LMLN: variants seen among roughly 807,000 people sequenced by gnomAD.
LMLN encodes the protein leishmanolysin like peptidase.
A neutral mutation model predicts 92.3 loss-of-function variants in LMLN; 70 were observed. The ratio of observed to expected loss-of-function variants is 0.76; its 90% CI spans 0.63 to 0.92. LMLN has a LOEUF of 0.92. Among genes scored for constraint, LMLN ranks in the 40% least tolerant of loss-of-function variants. The pLI is 0.00. For missense variants in LMLN, 691 were observed against 814.6 expected, an observed-to-expected ratio of 0.85 and a Z score of 1.85; for synonymous variants, 308 against 296.2, an observed-to-expected ratio of 1.04 and a Z score of -0.41.
At chr3:197,988,634 A>G (rs1469164367) in intron 8 of LMLN, among the ~76,000 whole-genome samples, 1 of 151,612 alleles carries the variant, frequency 6.6e-6, no homozygotes, top group African/African-American at 2.4e-5. Flanking sequence ...AGCTGGGACT[A>G]CAGGAGTGTG....
At position 197,999,450 on chromosome 3, in the gene LMLN, TATTA is replaced by T. The variant is rs145870963; in HGVS notation, c.1232+113_1232+116del. 246 of 710,286 alleles carry T rather than the reference TATTA, an allele frequency of 3.5e-4. 1 individual carries two copies. The East Asian group carries it at 4.7e-3, about 14-fold the overall frequency. 44.0% of individuals were successfully genotyped at this position (710,286 alleles called of 1,614,324 possible). A position where few individuals can be genotyped will look rare whatever the true frequency, so the allele number is the denominator to read the frequency against. ...ATTTTATGCTGAAGCAAAATATACT[TATTA>T]ATTATTTGAATCTTGTACAGTTAGC... On this transcript the variant is annotated intron_variant, in intron 11 of 15. Transcript: ENST00000330198.
At chr3:198,021,821 T>C (rs1722791901) in intron 13 of LMLN, among the ~76,000 whole-genome samples, 1 of 152,186 alleles carries the variant, frequency 6.6e-6, no homozygotes, top group South Asian at 2.1e-4. Context: ...GAGAATTAAA[T>C]GAATTAATGT....
intron 1 of LMLN, among the ~76,000 whole-genome samples, chr3:197,967,801 C>G (rs1039884321): frequency 4.6e-5 from 7 of 152,132 alleles, no homozygotes; most frequent in African/African-American, 1.7e-4. Context: ...TCCAGAGTGG[C>G]CATTTATAGA....
At chr3:198,032,891 GTCTGTC>G (rs1202214993) in intron 14 of LMLN, among the ~76,000 whole-genome samples, 7 of 152,208 alleles carry the variant, frequency 4.6e-5, no homozygotes, top group African/African-American at 1.7e-4. Context: ...GAATGCTGGC[GTCTGTC>G]TCTGAAACAG....
At chr3:198,016,194 CA>C (rs202075630) in intron 11 of LMLN, among the ~76,000 whole-genome samples, 2,896 of 83,942 alleles carry the variant, frequency 0.035, 29 homozygotes, top group East Asian at 0.043. Flanking sequence ...GTTGCAAAAA[CA>C]AAAAAAAAAA....
intron 11 of LMLN, among the ~76,000 whole-genome samples, chr3:198,006,160 G>A (rs1209917449): frequency 6.6e-6 from 1 of 152,090 alleles, no homozygotes; most frequent in Non-Finnish European, 1.5e-5. Flanking sequence ...TTACATGAAT[G>A]AATTCATATT....
At position 197,976,089 on chromosome 3, in the gene LMLN, G is replaced by A. The variant is rs376581164; in HGVS notation, c.409G>A (p.Ala137Thr). 3.7e-6 allele frequency: 6 copies of A among 1,606,326 alleles called. No individual in the cohort carries two copies. In the African/African-American group the frequency reaches 8.1e-5, roughly 22 times the overall value. Reference sequence around the variant, plus strand: ...GAAGACTTTTCAGGTCCGTCGACCTGCGGGCACTATCTTACTTAGCAGGTA... The same window carrying A: ...GAAGACTTTTCAGGTCCGTCGACCTACGGGCACTATCTTACTTAGCAGGTA... Residue 137 changes from alanine (A) to threonine (T), a missense_variant, in exon 4 of 16, where the codon GCG becomes ACG. Ala to Thr is a moderately conservative substitution (Grantham distance 58). Transcript: ENST00000330198.
At chr3:197,969,262 G>A (rs1303035166) in intron 1 of LMLN, among the ~76,000 whole-genome samples, 1 of 145,948 alleles carries the variant, frequency 6.9e-6, no homozygotes, top group East Asian at 2.0e-4. Context: ...CTTTCTTTGA[G>A]TTTAATATAT....
rs1208737977 is a variant in LMLN, at chr3:198,014,558, G to A, written c.1233-4695G>A. On this transcript the variant is annotated intron_variant, in intron 11 of 15. Coordinates refer to ENST00000330198, the Ensembl canonical transcript of LMLN. ...TCCACCCATCAGAGCCCCCTAACTA[G>A]TCTAACTTCTCTGTATCCTTCAGAG... is the stretch of plus-strand genomic sequence containing the variant. Among the ~76,000 whole-genome samples, 309 of 69,676 alleles carry A rather than the reference G, an allele frequency of 4.4e-3. 5 individuals carry two copies. Among genetic ancestry groups the A allele is most frequent in the Non-Finnish European group, 5.9e-3 (210 of 35,558 alleles). 45.7% of individuals were successfully genotyped at this position (69,676 alleles called of 152,430 possible). A position where few individuals can be genotyped will look rare whatever the true frequency, so the allele number is the denominator to read the frequency against.
intron 11 of LMLN, among the ~76,000 whole-genome samples, chr3:198,013,107 C>G (rs1722500070): frequency 1.4e-5 from 2 of 141,384 alleles, no homozygotes; most frequent in Non-Finnish European, 3.0e-5. Flanking sequence ...TTCAGAGCCC[C>G]CTAACTAGTC....
chr3:198,001,416 G>A (rs746525358), intron 11 of LMLN, among the ~76,000 whole-genome samples: 6 of 152,140 alleles, frequency 3.9e-5, no homozygotes, highest in Non-Finnish European at 5.9e-5. Context: ...GAATAACAGC[G>A]CTGATAAGAT....
chr3:198,011,192 A>G (rs112857707), intron 11 of LMLN, among the ~76,000 whole-genome samples: 4 of 152,090 alleles, frequency 2.6e-5, no homozygotes, highest in African/African-American at 9.7e-5. Context: ...TTACATATGT[A>G]TACATGTGCC....
chr3:197,962,746 G>A (rs923866906), intron 1 of LMLN, among the ~76,000 whole-genome samples: 1 of 150,352 alleles, frequency 6.7e-6, no homozygotes, highest in Non-Finnish European at 1.5e-5. Flanking sequence ...TATATATGAT[G>A]TGAGATAGGG....
chr3:198,038,884 A>ATCAGCAACCCAACCACCTCG (rs138895703), exon 16 of LMLN: 90 of 384,354 alleles, frequency 2.3e-4, no homozygotes, highest in East Asian at 8.1e-4. Flanking sequence ...AACCACCTTC[A>ATCAGCAACCCAACCACCTCG]TCAGCAACCC....
rs1240741707 is a variant in LMLN, at chr3:198,031,276, CTGTT to C, written c.1657-4553_1657-4550del. On this transcript the variant is annotated intron_variant, in intron 14 of 15. Transcript: ENST00000330198. This position sits in a 1 kb window ranked among gnomAD's most constrained non-coding sequence, Gnocchi z 4.8. ...AAGATAAGAATTATTTTAAGAAGGT[CTGTT>C]TGTACCAAATTCTTTGGCTTTGACT... Among the ~76,000 whole-genome samples, 1 of 152,144 alleles carries C rather than the reference CTGTT, an allele frequency of 6.6e-6. No homozygotes were observed. Among genetic ancestry groups the C allele is most frequent in the Non-Finnish European group, 1.5e-5 (1 of 68,022 alleles).
intron 11 of LMLN, among the ~76,000 whole-genome samples, chr3:198,009,935 A>G (rs78908817): frequency 3.0e-4 from 46 of 152,256 alleles, no homozygotes; most frequent in African/African-American, 1.1e-3. Context: ...TATCCATCCT[A>G]TGGGGTCTGT....
chr3:197,996,183 A>G (rs766021493), exon 10 of LMLN: 4 of 1,563,326 alleles, frequency 2.6e-6, no homozygotes, highest in South Asian at 2.4e-5. Flanking sequence ...AGGAGGAAGC[A>G]CGAAAACATT....
intron 10 of LMLN, among the ~76,000 whole-genome samples, chr3:197,997,225 G>A (rs1047452094): frequency 1.3e-5 from 2 of 151,932 alleles, no homozygotes; most frequent in Admixed American, 6.6e-5. Context: ...AATCTCCTGG[G>A]CTCAAATGCT....
chr3:197,971,634 G>T (rs1357411622), intron 1 of LMLN, among the ~76,000 whole-genome samples: 1 of 152,052 alleles, frequency 6.6e-6, no homozygotes, highest in African/African-American at 2.4e-5. Context: ...GCCCAGGCTG[G>T]AGTGCAGTGG....
Sources: gnomAD v4.1 joint callset for allele counts (sites outside exome capture counted in the v4.1 genomes callset) on GRCh38, gnomAD v4.1.1 for gene constraint, Gnocchi (gnomAD v3.1) non-coding constraint, MANE v1.5 for transcripts, NCBI Gene and HGNC (gene_info 2026-07-23, HGNC 2026-07-21) for gene names.